Variants in CRISP2 observed in about 807,000 individuals in gnomAD.
CRISP2 encodes cysteine-rich secretory protein 2.
A neutral mutation model predicts 31.7 loss-of-function variants in CRISP2; 29 were observed. The ratio of observed to expected loss-of-function variants is 0.92; its 90% CI spans 0.68 to 1.25. CRISP2 has a LOEUF of 1.25. Among genes scored for constraint, CRISP2 ranks in the 50% most tolerant of loss-of-function variants. CRISP2 has a pLI of 0.00. For synonymous variants in CRISP2, 111 were observed against 101.4 expected, an observed-to-expected ratio of 1.09 and a Z score of -0.57; for missense variants, 318 against 286.5, an observed-to-expected ratio of 1.11 and a Z score of -0.79.
intron 8 of CRISP2, among the ~76,000 whole-genome samples, chr6:49,697,010 T>C (rs1028506935): frequency 6.6e-6 from 1 of 152,124 alleles, no homozygotes; most frequent in Non-Finnish European, 1.5e-5. Flanking sequence ...TGAATCCTAA[T>C]AGGTACTTTA....
chr6:49,682,581 C>A, the CRISP2 span, among the ~76,000 whole-genome samples: 2 of 88,946 alleles, frequency 2.2e-5, no homozygotes, highest in East Asian at 8.7e-4. Flanking sequence ...CTTTTTCTTT[C>A]TTTCTTTTTC....
chr6:49,677,098 C>T, the CRISP2 span, among the ~76,000 whole-genome samples: 1 of 152,092 alleles, frequency 6.6e-6, no homozygotes, highest in African/African-American at 2.4e-5. Flanking sequence ...GATTGTGCTG[C>T]CAGCTTAGGT....
chr6:49,713,806 A>G (rs753804278), upstream of CRISP2, among the ~76,000 whole-genome samples: 2 of 152,188 alleles, frequency 1.3e-5, no homozygotes, highest in East Asian at 1.9e-4. Flanking sequence ...GGGAGGTCAT[A>G]TAAGGATTCG....
At chr6:49,704,908 G>A (rs185202897) in intron 4 of CRISP2, among the ~76,000 whole-genome samples, 1 of 152,296 alleles carries the variant, frequency 6.6e-6, no homozygotes, top group Non-Finnish European at 1.5e-5. Flanking sequence ...ATTAACTGCT[G>A]TTTTGTCTTT....
downstream of CRISP2, among the ~76,000 whole-genome samples, chr6:49,691,245 G>C (rs1489405413): frequency 6.6e-6 from 1 of 151,936 alleles, no homozygotes; most frequent in African/African-American, 2.4e-5. Flanking sequence ...CACTACCTCA[G>C]TGCTCTTGCA....
the CRISP2 span, among the ~76,000 whole-genome samples, chr6:49,685,601 C>T: frequency 5.3e-5 from 8 of 152,206 alleles, no homozygotes; most frequent in East Asian, 5.8e-4. Flanking sequence ...TTTGTTCAGT[C>T]GTAACATATA....
chr6:49,703,230 A>G (rs1167096986), intron 4 of CRISP2, among the ~76,000 whole-genome samples: 1 of 151,916 alleles, frequency 6.6e-6, no homozygotes, highest in African/African-American at 2.4e-5. Flanking sequence ...GCCATGTAGT[A>G]TAGTTTAAAG....
intron 4 of CRISP2, among the ~76,000 whole-genome samples, chr6:49,702,008 TATTA>T (rs1766055028): frequency 1.5e-5 from 1 of 68,688 alleles, no homozygotes; most frequent in African/African-American, 6.7e-5. Flanking sequence ...ATATTATACA[TATTA>T]ATGTATACAT....
intron 8 of CRISP2, among the ~76,000 whole-genome samples, chr6:49,696,254 G>A (rs932704370): frequency 1.3e-5 from 2 of 152,018 alleles, no homozygotes; most frequent in African/African-American, 4.8e-5. Flanking sequence ...TGTACCCCAA[G>A]GTGCCAATTA....
At chr6:49,683,521 G>A in the CRISP2 span, among the ~76,000 whole-genome samples, 31,205 of 149,536 alleles carry the variant, frequency 0.21, 3,883 homozygotes, top group Middle Eastern at 0.29. Flanking sequence ...AAAATTAGCC[G>A]GGCACGGTGG....
the CRISP2 span, among the ~76,000 whole-genome samples, chr6:49,681,805 AG>A: frequency 6.6e-6 from 1 of 152,054 alleles, no homozygotes; most frequent in Non-Finnish European, 1.5e-5. Flanking sequence ...TTGGATTCCA[AG>A]TGCACACCAC....
chr6:49,687,005 A>G, the CRISP2 span, among the ~76,000 whole-genome samples: 1 of 152,020 alleles, frequency 6.6e-6, no homozygotes, highest in Non-Finnish European at 1.5e-5. Flanking sequence ...TTGAACAATG[A>G]GAACACATGG....
chr6:49,688,881 T>TG (rs1031418880), downstream of CRISP2, among the ~76,000 whole-genome samples: 5 of 152,100 alleles, frequency 3.3e-5, no homozygotes, highest in Non-Finnish European at 7.4e-5. Flanking sequence ...TTTATTTTTT[T>TG]GGGGGGGACT....
intron 4 of CRISP2, among the ~76,000 whole-genome samples, chr6:49,701,865 T>C: frequency 9.6e-6 from 1 of 103,646 alleles, no homozygotes; most frequent in Admixed American, 1.3e-4. Context: ...TATATATTAT[T>C]ATATATTATG....
chr6:49,700,777 G>C lies in CRISP2; in HGVS notation c.74C>G (p.Ala25Gly). The change falls in exon 5 of 10, where the codon GCT becomes GGT. Residue 25 changes from alanine (A) to glycine (G), a missense_variant. Ala to Gly is a moderately conservative substitution (Grantham distance 60). Transcript: ENST00000339139. ...PSLPAEGKDP[A>G]FTALLTTQLQ... Reference sequence around the variant, plus strand: ...CTGGGTGGTTAACAAAGCAGTAAAAGCGGGATCCTAAAAGAAAATAAAATT... The same window carrying C: ...CTGGGTGGTTAACAAAGCAGTAAAACCGGGATCCTAAAAGAAAATAAAATT... 1 of 1,596,142 alleles carries C rather than the reference G, an allele frequency of 6.3e-7. No homozygotes were observed.
In CRISP2 at chr6:49,692,442, T is replaced by C; in HGVS notation, c.*331A>G. ...GGCAATGATGTTACAGTCTTCTTCTTTAGCATGTTTCAGGAAATACGTAAT... is the reference window on the plus strand; with the variant it reads ...GGCAATGATGTTACAGTCTTCTTCTCTAGCATGTTTCAGGAAATACGTAAT... On this transcript the variant is annotated 3_prime_UTR_variant, in exon 10 of 10. Transcript: ENST00000339139. 5.8e-6 allele frequency: 1 copy of C among 173,026 alleles called. No individual in the cohort carries two copies. The highest frequency in any genetic ancestry group is 6.2e-5 in the Admixed American group (1 of 16,046). 10.7% of individuals were successfully genotyped at this position (173,026 alleles called of 1,614,324 possible). A position where few individuals can be genotyped will look rare whatever the true frequency, so the allele number is the denominator to read the frequency against.
At chr6:49,677,876 C>T in the CRISP2 span, among the ~76,000 whole-genome samples, 2 of 152,040 alleles carry the variant, frequency 1.3e-5, no homozygotes, top group African/African-American at 4.8e-5. Context: ...ATAGTGGATA[C>T]ATAAGAAATA....
the CRISP2 span, among the ~76,000 whole-genome samples, chr6:49,681,234 C>A: frequency 1.3e-5 from 2 of 152,228 alleles, no homozygotes; most frequent in African/African-American, 2.4e-5. Context: ...ACCCCAGCAC[C>A]ATTTATTGAA....
At chr6:49,702,397 T>C (rs1004757748) in intron 4 of CRISP2, among the ~76,000 whole-genome samples, 2 of 151,634 alleles carry the variant, frequency 1.3e-5, no homozygotes, top group Non-Finnish European at 2.9e-5. Context: ...CTGTTTTCCA[T>C]AGTGCTTGTA....
Sources: allele counts gnomAD v4.1 joint callset (sites outside exome capture counted in the v4.1 genomes callset), GRCh38; gene constraint gnomAD v4.1.1; transcripts MANE v1.5; gene names NCBI Gene and HGNC (gene_info 2026-07-23, HGNC 2026-07-21).